CTNNA3: variants seen among roughly 807,000 people sequenced by gnomAD.
The protein encoded by CTNNA3 is catenin alpha 3.
Under a neutral mutation model 95.7 loss-of-function variants are expected in CTNNA3, and 76 were observed. The ratio of observed to expected loss-of-function variants is 0.79; its 90% CI spans 0.66 to 0.96. CTNNA3 has a LOEUF of 0.96. Ranked by LOEUF, CTNNA3 falls within the 40% of genes least tolerant of loss-of-function variation. The pLI is 0.00. For synonymous variants in CTNNA3, 431 were observed against 374.4 expected (o/e 1.15, Z -1.74); for missense variants, 1,191 against 1,089.8 (o/e 1.09, Z -1.31).
At chr10:67,279,648 C>G (rs1380214416) in intron 5 of CTNNA3, among the ~76,000 whole-genome samples, 2 of 150,660 alleles carry the variant, frequency 1.3e-5, no homozygotes, top group African/African-American at 4.9e-5. Flanking sequence ...CTGTAGCTAT[C>G]TGCTTAGGAA....
At chr10:66,535,035 G>A (rs1791310480) in intron 10 of CTNNA3, among the ~76,000 whole-genome samples, 2 of 151,968 alleles carry the variant, frequency 1.3e-5, no homozygotes, top group African/African-American at 4.8e-5. Flanking sequence ...CTTAATTGCT[G>A]ATGCATATTC....
At chr10:67,711,357 C>G (rs1244272985) in intron 1 of CTNNA3, among the ~76,000 whole-genome samples, 3 of 152,076 alleles carry the variant, frequency 2.0e-5, no homozygotes, top group African/African-American at 7.2e-5. Flanking sequence ...TTGGAACTCC[C>G]TAGAAACTTG....
In CTNNA3 at chr10:67,388,693, C is replaced by G. The variant is rs866770001; in HGVS notation, c.579+133149G>C. Among the ~76,000 whole-genome samples the G allele has an allele frequency of 2.8e-3, 426 of 151,972 alleles. 10 individuals are homozygous for G. The Middle Eastern group carries it at 0.031, about 11-fold the overall frequency. ...GGGTTACCCTCAAAGGGAAGCCCAT[C>G]AGACTAACAGCGGATCTCTCGGCAG... On this transcript the variant is annotated intron_variant, in intron 5 of 17. Transcript: ENST00000433211.
At chr10:66,401,797 T>G (rs1242496891) in intron 11 of CTNNA3, among the ~76,000 whole-genome samples, 1 of 151,884 alleles carries the variant, frequency 6.6e-6, no homozygotes, top group Non-Finnish European at 1.5e-5. Flanking sequence ...TAGCTGGGAT[T>G]ACAGGTGCCC....
At chr10:66,204,323 C>T (rs2087620653) in intron 13 of CTNNA3, among the ~76,000 whole-genome samples, 1 of 152,044 alleles carries the variant, frequency 6.6e-6, no homozygotes. Context: ...CCTTACTGTT[C>T]AAAAGAATAA....
intron 7 of CTNNA3, among the ~76,000 whole-genome samples, chr10:66,784,739 T>G (rs954892759): frequency 5.3e-5 from 8 of 152,068 alleles, no homozygotes; most frequent in Non-Finnish European, 1.2e-4. Flanking sequence ...AAACCTCACA[T>G]CCATAATAAA....
intron 3 of CTNNA3, among the ~76,000 whole-genome samples, chr10:67,603,736 A>G (rs756748873): frequency 3.0e-4 from 46 of 152,192 alleles, no homozygotes; most frequent in Non-Finnish European, 5.4e-4. Flanking sequence ...AAAGTTAAAA[A>G]TTTTTTAAGT....
chr10:65,962,847 G>T (rs978126134), intron 17 of CTNNA3, among the ~76,000 whole-genome samples: 3 of 152,048 alleles, frequency 2.0e-5, no homozygotes, highest in African/African-American at 7.2e-5. Context: ...GAGAATGATG[G>T]TTTCCAGCTT....
chr10:66,802,815 C>T (rs182283417), intron 7 of CTNNA3, among the ~76,000 whole-genome samples: 10 of 151,504 alleles, frequency 6.6e-5, no homozygotes, highest in South Asian at 2.1e-4. Context: ...AATGTTCCAA[C>T]GATTGATATA....
At chr10:67,741,646 A>G (rs1841340143) in intron 1 of CTNNA3, among the ~76,000 whole-genome samples, 1 of 151,270 alleles carries the variant, frequency 6.6e-6, no homozygotes, top group African/African-American at 2.4e-5. Context: ...GATCAAATTC[A>G]CACATAACAA....
chr10:66,443,675 C>T (rs369848400), intron 11 of CTNNA3, among the ~76,000 whole-genome samples: 9 of 151,952 alleles, frequency 5.9e-5, no homozygotes, highest in Non-Finnish European at 1.0e-4. Context: ...CCCATCTGTA[C>T]GTTGCCATCA....
rs10565151 is a variant in CTNNA3 at position 66,659,181 on chromosome 10, A to AACACACACAC, written c.1282-37407_1282-37398dup. Among the ~76,000 whole-genome samples the AACACACACAC allele has an allele frequency of 2.5e-4, 37 of 145,676 alleles. No individual in the cohort carries two copies. In the South Asian group the frequency reaches 2.9e-3, roughly 11 times the overall value. ...TAGGGAGACAAAAAATAATTAAGAA[A>AACACACACAC]ACACACACACACACACACACACACA... On this transcript the variant is annotated intron_variant, in intron 9 of 17. Transcript: ENST00000433211.
rs539615661 is a variant in CTNNA3, at chr10:66,346,974, G to A, written c.1732+32178C>T. ...TCTGCAGATGTGAATATAAATCTTC[G>A]GTAGAAAAAAAAAATGCCTCACAAA... On this transcript the variant is annotated intron_variant, in intron 12 of 17. Transcript: ENST00000433211. 3.3e-4 allele frequency among the ~76,000 whole-genome samples: 49 copies of A among 150,550 alleles called. 2 individuals are homozygous for A. The highest frequency in any genetic ancestry group is 2.5e-4 in the Non-Finnish European group (17 of 67,734).
At chr10:67,202,112 C>G (rs1863675167) in intron 6 of CTNNA3, among the ~76,000 whole-genome samples, 1 of 152,072 alleles carries the variant, frequency 6.6e-6, no homozygotes, top group South Asian at 2.1e-4. Context: ...CTTCTTTTTC[C>G]TTTTCGATTG....
At chr10:66,550,492 TTC>T (rs1377228163) in intron 10 of CTNNA3, among the ~76,000 whole-genome samples, 7 of 152,128 alleles carry the variant, frequency 4.6e-5, no homozygotes, top group African/African-American at 1.7e-4. Flanking sequence ...ACCGTGACCA[TTC>T]ATTTACATAT....
At chr10:67,193,736 A>G (rs1171538192) in intron 6 of CTNNA3, among the ~76,000 whole-genome samples, 2 of 152,096 alleles carry the variant, frequency 1.3e-5, no homozygotes, top group Non-Finnish European at 2.9e-5. Flanking sequence ...TATCCAGCCT[A>G]TCATTGGTGG....
intron 11 of CTNNA3, among the ~76,000 whole-genome samples, chr10:66,430,061 G>C (rs988964805): frequency 7.9e-6 from 1 of 126,822 alleles, no homozygotes; most frequent in Non-Finnish European, 1.6e-5. Context: ...AATGTCTCAG[G>C]ATACAAAATC....
intron 9 of CTNNA3, 129 bp from the exon 10 acceptor site, chr10:66,621,913 C>T: frequency 1.9e-6 from 1 of 531,680 alleles, no homozygotes; most frequent in East Asian, 3.3e-5. Context: ...TCAAAATCAT[C>T]ACTGGTATCT....
rs1482322902 is a variant in CTNNA3 at position 67,564,689 on chromosome 10, A to G, written c.293-25020T>C. ...TGTGTGTGTGTGTGTATATATATAT[A>G]TATATATATATATATATATATATAT... is the stretch of plus-strand genomic sequence containing the variant. On this transcript the variant is annotated intron_variant, in intron 3 of 17. Coordinates refer to ENST00000433211, the MANE Select transcript of CTNNA3 (RefSeq NM_013266.4). Among the ~76,000 whole-genome samples the G allele has an allele frequency of 6.7e-3, 476 of 71,086 alleles. 7 individuals are homozygous for G. Among genetic ancestry groups the G allele is most frequent in the African/African-American group, 0.026 (442 of 16,792 alleles). 46.6% of individuals were successfully genotyped at this position (71,086 alleles called of 152,430 possible). A position where few individuals can be genotyped will look rare whatever the true frequency, so the allele number is the denominator to read the frequency against.
Sources: allele counts gnomAD v4.1 joint callset (sites outside exome capture counted in the v4.1 genomes callset), GRCh38; gene constraint gnomAD v4.1.1; transcripts MANE v1.5; gene names NCBI Gene and HGNC (gene_info 2026-07-23, HGNC 2026-07-21).